The following CCDC85A variants were observed in gnomAD, a reference collection of about 807,000 sequenced individuals.
CCDC85A encodes the protein coiled-coil domain-containing protein 85A.
A neutral mutation model predicts 50.2 loss-of-function variants in CCDC85A; 38 were observed. That is an observed-to-expected ratio of 0.76 (90% CI 0.58 to 0.99). The LOEUF (loss-of-function observed/expected upper bound fraction) is 0.99. CCDC85A is among the 50% of genes least tolerant of loss of function. The probability of loss-of-function intolerance (pLI) is 0.00; values close to 1 mark genes in which losing one functional copy is unlikely to be tolerated. For synonymous variants in CCDC85A, 366 were observed against 301.4 expected, an observed-to-expected ratio of 1.21 and a Z score of -2.22; for missense variants, 820 against 742.0, an observed-to-expected ratio of 1.11 and a Z score of -1.22.
At chr2:56,357,862 G>T (rs1312485374) in intron 3 of CCDC85A, among the ~76,000 whole-genome samples, 1 of 151,966 alleles carries the variant, frequency 6.6e-6, no homozygotes, top group Non-Finnish European at 1.5e-5. Context: ...GTTCCAACCT[G>T]GTGCTTTGTT....
chr2:56,284,603 C>T (rs1242394911), intron 2 of CCDC85A, among the ~76,000 whole-genome samples: 2 of 152,130 alleles, frequency 1.3e-5, no homozygotes, highest in Non-Finnish European at 2.9e-5. Context: ...GAACTCCTGA[C>T]CTTAAGTGAT....
At chr2:56,321,928 C>G (rs1462617466) in intron 2 of CCDC85A, among the ~76,000 whole-genome samples, 1 of 152,166 alleles carries the variant, frequency 6.6e-6, no homozygotes, top group Non-Finnish European at 1.5e-5. Flanking sequence ...CAGCGTGGTA[C>G]TGGTACCAAA....
intron 1 of CCDC85A, among the ~76,000 whole-genome samples, chr2:56,190,543 C>T (rs767808455): frequency 6.6e-6 from 1 of 152,102 alleles, no homozygotes; most frequent in South Asian, 2.1e-4. Context: ...TGATGGTAGA[C>T]CATAGATTGG....
rs192463840 is a variant in CCDC85A at position 56,221,276 on chromosome 2, C to T, written c.1240+27836C>T. Among the ~76,000 whole-genome samples, 9 of 152,070 alleles carry T rather than the reference C, an allele frequency of 5.9e-5. No individual in the cohort carries two copies. In the East Asian group the frequency reaches 1.6e-3, roughly 26 times the overall value. On this transcript the variant is annotated intron_variant, in intron 2 of 5. Transcript: ENST00000407595. ...TTTGGTCTCATCATGAAGTTTTATA[C>T]CATATATACACTTACTATGTAGTAG... is the stretch of plus-strand genomic sequence containing the variant.
In CCDC85A at chr2:56,363,700, C is replaced by G. The variant is rs1201171887; in HGVS notation, c.1318-8644C>G. ...ATTTATTTTAAGTCACTGTTTAGTTCCTGGGGCTCTAGTTCTGTGCATGTG... is the reference window on the plus strand; with the variant it reads ...ATTTATTTTAAGTCACTGTTTAGTTGCTGGGGCTCTAGTTCTGTGCATGTG... On this transcript the variant is annotated intron_variant, in intron 3 of 5. Coordinates refer to ENST00000407595, the MANE Select transcript of CCDC85A (RefSeq NM_001080433.2). Among the ~76,000 whole-genome samples the G allele has an allele frequency of 5.9e-5, 9 of 152,256 alleles. No homozygotes were observed. In the South Asian group the frequency reaches 1.2e-3, roughly 21 times the overall value.
At chr2:56,367,660 T>TGCAG (rs1167393963) in intron 3 of CCDC85A, among the ~76,000 whole-genome samples, 5 of 152,152 alleles carry the variant, frequency 3.3e-5, no homozygotes, top group Admixed American at 1.3e-4. Context: ...TAAAAATGTC[T>TGCAG]GCAGGCATTT....
At chr2:56,383,968 G>C (rs1400294027) in intron 5 of CCDC85A, among the ~76,000 whole-genome samples, 1 of 151,840 alleles carries the variant, frequency 6.6e-6, no homozygotes, top group Admixed American at 6.6e-5. Context: ...AGTTCCTCAA[G>C]TGCTTAGTGT....
chr2:56,303,326 C>A lies in CCDC85A; in HGVS notation c.1241-39553C>A, dbSNP rs560213267. Among the ~76,000 whole-genome samples, 9 of 151,666 alleles carry A rather than the reference C, an allele frequency of 5.9e-5. 1 individual carries two copies. The East Asian group carries it at 1.8e-3, about 30-fold the overall frequency. On this transcript the variant is annotated intron_variant, in intron 2 of 5. Transcript: ENST00000407595. ...TTTTGTGGTTAAAACTAAAAATAGT[C>A]AAAAAGACATAATACTGGACGATGA...
intron 3 of CCDC85A, among the ~76,000 whole-genome samples, chr2:56,347,754 G>T (rs1367395852): frequency 6.6e-6 from 1 of 152,178 alleles, no homozygotes; most frequent in Non-Finnish European, 1.5e-5. Context: ...TACAGTCATG[G>T]TTTTAAAACT....
At chr2:56,333,386 G>A (rs887131326) in intron 2 of CCDC85A, among the ~76,000 whole-genome samples, 3 of 152,196 alleles carry the variant, frequency 2.0e-5, no homozygotes, top group Admixed American at 2.0e-4. Context: ...CATCTATGGT[G>A]TTCAGGAACA....
chr2:56,373,307 TC>T (rs1676173186), intron 4 of CCDC85A, among the ~76,000 whole-genome samples: 1 of 151,784 alleles, frequency 6.6e-6, no homozygotes, highest in African/African-American at 2.4e-5. Context: ...ATGATGAATT[TC>T]CCCCCACTGT....
chr2:56,219,627 G>T (rs573183963), intron 2 of CCDC85A, among the ~76,000 whole-genome samples: 1 of 151,746 alleles, frequency 6.6e-6, no homozygotes, highest in African/African-American at 2.4e-5. Flanking sequence ...TTCACCCCTG[G>T]ATGCTTACCC....
intron 2 of CCDC85A, among the ~76,000 whole-genome samples, chr2:56,222,116 T>G (rs1325787854): frequency 1.3e-5 from 2 of 152,108 alleles, no homozygotes; most frequent in Admixed American, 6.6e-5. Flanking sequence ...CTTCGGGGGT[T>G]AAGTTCCCAA....
intron 2 of CCDC85A, among the ~76,000 whole-genome samples, chr2:56,271,277 C>T (rs916072782): frequency 6.6e-6 from 1 of 152,102 alleles, no homozygotes; most frequent in African/African-American, 2.4e-5. Context: ...GCGAACAGAG[C>T]ACAGGGGCAG....
chr2:56,272,889 G>A (rs1435862566), intron 2 of CCDC85A, among the ~76,000 whole-genome samples: 1 of 152,056 alleles, frequency 6.6e-6, no homozygotes, highest in Non-Finnish European at 1.5e-5. Flanking sequence ...ATATTACAAG[G>A]TATTTGAAGA....
rs552475318 is a variant in CCDC85A, at chr2:56,268,098, T to G, written c.1240+74658T>G. On this transcript the variant is annotated intron_variant, in intron 2 of 5. Coordinates refer to ENST00000407595, the MANE Select transcript of CCDC85A (RefSeq NM_001080433.2). ...TTTTAATACTTCTCAGGTTAATGTA[T>G]TCTATATTTTTGGAAGATTTACATG... 1.3e-4 allele frequency among the ~76,000 whole-genome samples: 20 copies of G among 152,340 alleles called. No individual in the cohort carries two copies. The South Asian group carries it at 3.5e-3, about 27-fold the overall frequency.
At chr2:56,311,109 A>G (rs906443366) in intron 2 of CCDC85A, among the ~76,000 whole-genome samples, 6 of 152,172 alleles carry the variant, frequency 3.9e-5, no homozygotes. Context: ...GCTAGAAATA[A>G]TGATTTTGAT....
intron 2 of CCDC85A, among the ~76,000 whole-genome samples, chr2:56,318,106 A>G (rs1673002407): frequency 6.6e-6 from 1 of 152,158 alleles, no homozygotes; most frequent in Non-Finnish European, 1.5e-5. Context: ...ATAGAATTTT[A>G]GAGCGAGAAG....
intron 1 of CCDC85A, chr2:56,185,872 C>G (rs1183445522): frequency 6.6e-6 from 1 of 152,306 alleles, no homozygotes; most frequent in African/African-American, 2.4e-5. Context: ...CATTGTTCTG[C>G]TTTGTTTGTA....
Sources: gnomAD v4.1 joint callset for allele counts (sites outside exome capture counted in the v4.1 genomes callset) on GRCh38, gnomAD v4.1.1 for gene constraint, MANE v1.5 for transcripts, NCBI Gene and HGNC (gene_info 2026-07-23, HGNC 2026-07-21) for gene names.